Variants in BICC1 observed in about 807,000 individuals in gnomAD.
The protein encoded by BICC1 is BicC family RNA binding protein 1.
A neutral mutation model predicts 111.0 loss-of-function variants in BICC1; 43 were observed. The ratio of observed to expected loss-of-function variants is 0.39; its 90% CI spans 0.30 to 0.50. The LOEUF is 0.50. Among genes scored for constraint, BICC1 ranks in the 20% least tolerant of loss-of-function variants. The pLI is 0.88. For synonymous variants in BICC1, 467 were observed against 434.4 expected, an observed-to-expected ratio of 1.07 and a Z score of -0.93; for missense variants, 1,091 against 1,203.2, an observed-to-expected ratio of 0.91 and a Z score of 1.38.
At chr10:58,788,687 G>A (rs1249531120) in intron 6 of BICC1, among the ~76,000 whole-genome samples, 1 of 152,094 alleles carries the variant, frequency 6.6e-6, no homozygotes, top group Non-Finnish European at 1.5e-5. Flanking sequence ...ATCTGACTCA[G>A]TTTTTCTAGT....
intron 3 of BICC1, among the ~76,000 whole-genome samples, chr10:58,710,638 A>G (rs898401395): frequency 6.6e-6 from 1 of 152,178 alleles, no homozygotes; most frequent in Admixed American, 6.5e-5. Flanking sequence ...ACTTTTTGAT[A>G]TGTCATTAAA....
At chr10:58,579,422 A>T (rs1007059720) in intron 1 of BICC1, among the ~76,000 whole-genome samples, 1 of 152,218 alleles carries the variant, frequency 6.6e-6, no homozygotes, top group African/African-American at 2.4e-5. Context: ...CACCAAAGGA[A>T]TGGCTTGTGT....
At chr10:58,756,626 CTTTTTTT>C (rs66709538) in intron 3 of BICC1, among the ~76,000 whole-genome samples, 2 of 135,890 alleles carry the variant, frequency 1.5e-5, no homozygotes, top group Non-Finnish European at 1.6e-5. Flanking sequence ...AACTACTAGC[CTTTTTTT>C]TTTTTTTTTT....
intron 2 of BICC1, among the ~76,000 whole-genome samples, chr10:58,642,450 T>A (rs773875221): frequency 6.6e-6 from 1 of 152,256 alleles, no homozygotes; most frequent in Non-Finnish European, 1.5e-5. Context: ...AGTTCTAGGT[T>A]GGCATTATTC....
At chr10:58,657,084 A>C (rs1454360578) in intron 2 of BICC1, among the ~76,000 whole-genome samples, 1 of 152,032 alleles carries the variant, frequency 6.6e-6, no homozygotes, top group Non-Finnish European at 1.5e-5. Context: ...CTGTTGTCAA[A>C]ATGAGCTGCT....
intron 1 of BICC1, among the ~76,000 whole-genome samples, chr10:58,577,087 T>C (rs955143024): frequency 1.3e-5 from 2 of 152,076 alleles, no homozygotes; most frequent in African/African-American, 4.8e-5. Context: ...TGAGGTTGGT[T>C]TCCACAATGT....
At chr10:58,649,985 A>T (rs546980178) in intron 2 of BICC1, 1 of 152,286 alleles carries the variant, frequency 6.6e-6, no homozygotes, top group Non-Finnish European at 1.5e-5. Context: ...AAATATATTG[A>T]CCCACTACTT....
In BICC1 at chr10:58,738,230, A is replaced by T. The variant is rs184454589; in HGVS notation, c.307+36087A>T. Among the ~76,000 whole-genome samples the T allele has an allele frequency of 2.5e-3, 388 of 152,212 alleles. 3 individuals are homozygous for T. Among genetic ancestry groups the T allele is most frequent in the African/African-American group, 8.8e-3 (365 of 41,536 alleles). Reference sequence around the variant, plus strand: ...GGTTTTTATGGTTTTAGGTCTAACAATTAAGTCTTTAATCCATCTTGAATT... The same window carrying T: ...GGTTTTTATGGTTTTAGGTCTAACATTTAAGTCTTTAATCCATCTTGAATT... On this transcript the variant is annotated intron_variant, in intron 3 of 20. Transcript: ENST00000373886.
intron 1 of BICC1, among the ~76,000 whole-genome samples, chr10:58,558,043 T>C (rs1184213321): frequency 6.6e-6 from 1 of 152,138 alleles, no homozygotes; most frequent in East Asian, 1.9e-4. Context: ...AGCATTTAGT[T>C]CAGGGCTAGT....
chr10:58,776,493 A>G lies in BICC1; in HGVS notation c.308-8508A>G, dbSNP rs145597142. 5.9e-5 allele frequency among the ~76,000 whole-genome samples: 9 copies of G among 152,274 alleles called. No homozygotes were observed. In the East Asian group the frequency reaches 1.4e-3, roughly 23 times the overall value. On this transcript the variant is annotated intron_variant, in intron 3 of 20. Transcript: ENST00000373886. ...CATAACTTGCTGTTATCTCAGTACA[A>G]TTTCCTGGGGATGCTTTATCCTGGC...
chr10:58,743,729 G>A (rs1841742973), intron 3 of BICC1, among the ~76,000 whole-genome samples: 1 of 151,264 alleles, frequency 6.6e-6, no homozygotes, highest in African/African-American at 2.4e-5. Context: ...GATTTTTCAT[G>A]GAAAGGAAAT....
At chr10:58,608,820 G>C (rs574606940) in intron 1 of BICC1, among the ~76,000 whole-genome samples, 6 of 152,282 alleles carry the variant, frequency 3.9e-5, no homozygotes, top group South Asian at 2.1e-4. Context: ...TCCTCTCTCT[G>C]TGCCTTGTTG....
chr10:58,692,934 A>G (rs1479823290), intron 2 of BICC1, among the ~76,000 whole-genome samples: 1 of 151,794 alleles, frequency 6.6e-6, no homozygotes, highest in African/African-American at 2.4e-5. Context: ...ATATGTATAC[A>G]TGTGGCATAT....
chr10:58,821,510 T>C (rs1233276805), intron 20 of BICC1, among the ~76,000 whole-genome samples: 2 of 152,052 alleles, frequency 1.3e-5, no homozygotes, highest in East Asian at 1.9e-4. Context: ...CATCTTCCCA[T>C]AGGAAATCTT....
At chr10:58,554,500 C>G (rs921958398) in intron 1 of BICC1, among the ~76,000 whole-genome samples, 2 of 152,110 alleles carry the variant, frequency 1.3e-5, no homozygotes, top group Non-Finnish European at 2.9e-5. Flanking sequence ...GGCAAACAGG[C>G]ATTCTTATTT....
chr10:58,817,280 A>G (rs973079233), intron 18 of BICC1, among the ~76,000 whole-genome samples: 2 of 152,134 alleles, frequency 1.3e-5, no homozygotes, highest in African/African-American at 4.8e-5. Flanking sequence ...CTGACTACTC[A>G]GGGAGAATAT....
intron 1 of BICC1, among the ~76,000 whole-genome samples, chr10:58,539,874 C>T (rs1842916998): frequency 6.6e-6 from 1 of 151,836 alleles, no homozygotes; most frequent in East Asian, 1.9e-4. Flanking sequence ...GGATATATCA[C>T]ATGGTAGGCC....
intron 3 of BICC1, among the ~76,000 whole-genome samples, chr10:58,733,757 C>T (rs1459477927): frequency 1.3e-5 from 2 of 152,208 alleles, no homozygotes; most frequent in Non-Finnish European, 2.9e-5. Context: ...ATCATAAATG[C>T]ATTGCTGGTT....
chr10:58,589,771 A>G (rs558841050), intron 1 of BICC1, among the ~76,000 whole-genome samples: 192 of 152,212 alleles, frequency 1.3e-3, no homozygotes, highest in Middle Eastern at 0.01. Flanking sequence ...CACTGTGCCC[A>G]GCCATTACAA....
Sources: allele counts gnomAD v4.1 joint callset (sites outside exome capture counted in the v4.1 genomes callset), GRCh38; gene constraint gnomAD v4.1.1; transcripts MANE v1.5; gene names NCBI Gene and HGNC (gene_info 2026-07-23, HGNC 2026-07-21).